Variants in STK32B observed in about 807,000 individuals in gnomAD.
STK32B encodes serine/threonine-protein kinase 32B.
STK32B carries 43 observed loss-of-function variants against 52.6 expected under a neutral mutation model. That is an observed-to-expected ratio of 0.82 (90% CI 0.64 to 1.05). The LOEUF is 1.05. Ranked by LOEUF, STK32B falls within the 50% of genes least tolerant of loss-of-function variation. STK32B has a pLI of 0.00. For missense variants in STK32B, 621 were observed against 534.6 expected (o/e 1.16, Z -1.59); for synonymous variants, 238 against 204.3 (o/e 1.17, Z -1.41).
At chr4:5,336,947 A>C in intron 4 of STK32B, among the ~76,000 whole-genome samples, 1 of 152,152 alleles carries the variant, frequency 6.6e-6, no homozygotes, top group East Asian at 1.9e-4. Context: ...GAGGCTGAAG[A>C]ATCAGAATAG....
intron 3 of STK32B, among the ~76,000 whole-genome samples, chr4:5,251,325 A>G (rs1369728725): frequency 2.0e-5 from 3 of 152,188 alleles, no homozygotes; most frequent in African/African-American, 7.2e-5. Flanking sequence ...TCCCAGCACC[A>G]TTTGTTGAAT....
At chr4:5,073,574 T>C (rs994941693) in intron 1 of STK32B, among the ~76,000 whole-genome samples, 1 of 152,060 alleles carries the variant, frequency 6.6e-6, no homozygotes, top group Non-Finnish European at 1.5e-5. Context: ...TCCAGTGCTC[T>C]TAATTACTTC....
At chr4:5,256,258 T>C in intron 3 of STK32B, among the ~76,000 whole-genome samples, 1 of 152,354 alleles carries the variant, frequency 6.6e-6, no homozygotes, top group Middle Eastern at 3.4e-3. Flanking sequence ...TTAGTGTCTT[T>C]TAAGCCAGAG....
chr4:5,343,003 G>C (rs961093244), intron 4 of STK32B, among the ~76,000 whole-genome samples: 3 of 151,956 alleles, frequency 2.0e-5, no homozygotes. Context: ...ACAACATGCA[G>C]GTTTGTTACA....
chr4:5,098,980 A>G (rs1713553773), intron 1 of STK32B, among the ~76,000 whole-genome samples: 2 of 152,082 alleles, frequency 1.3e-5, no homozygotes, highest in African/African-American at 4.8e-5. Context: ...ACATACATTT[A>G]TTTTCTTGCA....
the STK32B span, among the ~76,000 whole-genome samples, chr4:5,022,404 G>A: frequency 2.6e-5 from 4 of 152,168 alleles, no homozygotes; most frequent in African/African-American, 7.2e-5. Context: ...CTCCCTATGA[G>A]ACGCCGCACT....
At chr4:5,300,402 A>G (rs1231492902) in intron 3 of STK32B, among the ~76,000 whole-genome samples, 1 of 152,170 alleles carries the variant, frequency 6.6e-6, no homozygotes, top group African/African-American at 2.4e-5. Flanking sequence ...CACCACTACT[A>G]TTCCACATAG....
At chr4:5,390,378 C>A (rs1736520753) in intron 4 of STK32B, among the ~76,000 whole-genome samples, 1 of 152,226 alleles carries the variant, frequency 6.6e-6, no homozygotes, top group African/African-American at 2.4e-5. Context: ...TTAATGCTTC[C>A]TGTCCCATTT....
At chr4:5,231,498 G>C (rs901917523) in intron 3 of STK32B, among the ~76,000 whole-genome samples, 5 of 152,110 alleles carry the variant, frequency 3.3e-5, no homozygotes, top group African/African-American at 1.2e-4. Context: ...TGTAATCCCA[G>C]CTACTTGGGA....
At chr4:5,401,104 T>A (rs1226168186) in intron 5 of STK32B, among the ~76,000 whole-genome samples, 1 of 152,164 alleles carries the variant, frequency 6.6e-6, no homozygotes, top group African/African-American at 2.4e-5. Flanking sequence ...AATGGCTGTT[T>A]GAGGAATACA....
intron 3 of STK32B, among the ~76,000 whole-genome samples, chr4:5,180,470 G>T (rs1423616543): frequency 1.3e-5 from 2 of 152,170 alleles, no homozygotes; most frequent in East Asian, 3.9e-4. Flanking sequence ...CAGGCTGTCT[G>T]GCTTCATGGT....
chr4:5,061,650 C>T (rs1203310426), intron 1 of STK32B, among the ~76,000 whole-genome samples: 1 of 152,202 alleles, frequency 6.6e-6, no homozygotes, highest in Non-Finnish European at 1.5e-5. Flanking sequence ...TGATAGGAAT[C>T]ATGCTTCATC....
chr4:5,452,143 C>T (rs188357374), intron 7 of STK32B, among the ~76,000 whole-genome samples: 30 of 152,280 alleles, frequency 2.0e-4, no homozygotes, highest in African/African-American at 6.7e-4. Context: ...TCCATGGGGA[C>T]ATGAGGACTT....
intron 9 of STK32B, among the ~76,000 whole-genome samples, chr4:5,465,606 T>C (rs1229090014): frequency 1.3e-5 from 2 of 152,196 alleles, no homozygotes; most frequent in Non-Finnish European, 2.9e-5. Flanking sequence ...TCCACCGTTC[T>C]GGAAGCTTGG....
At chr4:5,146,384 C>T (rs576115659) in intron 2 of STK32B, among the ~76,000 whole-genome samples, 2 of 152,130 alleles carry the variant, frequency 1.3e-5, no homozygotes, top group East Asian at 3.9e-4. Context: ...ATCCAAAAGC[C>T]GAAGAATTTG....
chr4:5,094,715 A>G (rs1713286066), intron 1 of STK32B, among the ~76,000 whole-genome samples: 1 of 152,162 alleles, frequency 6.6e-6, no homozygotes, highest in Admixed American at 6.5e-5. Flanking sequence ...TCTATGGTTT[A>G]TGTTGTTGGT....
rs190219754 is a variant in STK32B at position 5,481,030 on chromosome 4, C to G, written c.1106+12960C>G. On this transcript the variant is annotated intron_variant, in intron 11 of 11. Transcript: ENST00000282908. ...CAAGTCGTTGCTATTGTGAACAGTG[C>G]CACAATAAACATACGTGTGCATGTG... 8.9e-4 allele frequency among the ~76,000 whole-genome samples: 136 copies of G among 152,182 alleles called. 1 individual carries two copies. The highest frequency in any genetic ancestry group is 3.1e-3 in the African/African-American group (128 of 41,502).
At chr4:5,028,226 T>C in the STK32B span, among the ~76,000 whole-genome samples, 1 of 152,154 alleles carries the variant, frequency 6.6e-6, no homozygotes. Flanking sequence ...CTCAACCTCA[T>C]GGGCTTAAGT....
intron 3 of STK32B, among the ~76,000 whole-genome samples, chr4:5,242,370 G>A (rs1394061758): frequency 6.6e-6 from 1 of 152,204 alleles, no homozygotes; most frequent in East Asian, 1.9e-4. Flanking sequence ...CTGCATAAAT[G>A]TCTTCTTTTG....
Sources: allele counts gnomAD v4.1 joint callset (sites outside exome capture counted in the v4.1 genomes callset), GRCh38; gene constraint gnomAD v4.1.1; transcripts MANE v1.5; gene names NCBI Gene and HGNC (gene_info 2026-07-23, HGNC 2026-07-21).